The following PLXNA1 variants were observed in gnomAD, a reference collection of about 807,000 sequenced individuals.
PLXNA1 encodes the protein plexin-A1.
In PLXNA1, 77 loss-of-function variants were observed where a neutral mutation model predicts 191.7. The observed-to-expected ratio is 0.40, with a 90% CI of 0.33 to 0.49. The LOEUF (loss-of-function observed/expected upper bound fraction) is 0.49, where lower values mean the gene tolerates loss of function less well. Ranked by LOEUF, PLXNA1 falls within the 20% of genes least tolerant of loss-of-function variation. The probability of loss-of-function intolerance (pLI) is 0.63; values close to 1 mark genes in which losing one functional copy is unlikely to be tolerated. For synonymous variants in PLXNA1, 1,137 were observed against 1,156.4 expected (o/e 0.98, Z 0.34); for missense variants, 2,110 against 2,660.2 (o/e 0.79, Z 4.55).
intron 10 of PLXNA1, 116 bp downstream of exon 10, chr3:127,012,274 A>C (rs2079099900): frequency 9.4e-7 from 1 of 1,068,300 alleles, no homozygotes; most frequent in Non-Finnish European, 1.3e-6. Flanking sequence ...GCTCACGTGT[A>C]TCTCTGATGA....
chr3:127,028,342 T>TGAGC lies in PLXNA1; in HGVS notation c.4669+4_4669+7dup. ...CCAAGGCCGCGGACATGGACCTGGG[T>TGAGC]GAGCGGGCGGGGCCACGGCTGCCCG... On this transcript the variant is annotated splice_region_variant and intron_variant, in intron 25 of 31. Coordinates refer to ENST00000393409, the MANE Select transcript of PLXNA1 (RefSeq NM_032242.4). The TGAGC allele has an allele frequency of 6.2e-7, 1 of 1,608,738 alleles. No individual in the cohort carries two copies. The highest frequency in any genetic ancestry group is 8.5e-7 in the Non-Finnish European group (1 of 1,178,784).
At position 127,017,691 on chromosome 3, in the gene PLXNA1, G is replaced by A. The variant is rs551547441; in HGVS notation, c.3516+27G>A. 44 of 1,613,088 alleles carry A rather than the reference G, an allele frequency of 2.7e-5. No individual in the cohort carries two copies. The Admixed American group carries it at 6.8e-4, about 25-fold the overall frequency. ...TGGGTCACCATTGCCCGTAGGCTGG[G>A]CCAAGCCAGGGAAGAGGCCCCTCGT... On this transcript the variant is annotated intron_variant, in intron 18 of 31. Transcript: ENST00000393409.
intron 21 of PLXNA1, 133 bp downstream of exon 21, chr3:127,020,477 G>T (rs910395445): frequency 1.1e-5 from 13 of 1,155,836 alleles, no homozygotes; most frequent in Non-Finnish European, 1.6e-5. Flanking sequence ...GGCCTGCAGG[G>T]CTCTGGGCTC....
intron 3 of PLXNA1, 133 bp from the exon 4 acceptor site, chr3:127,003,197 G>T (rs1321081087): frequency 4.0e-6 from 4 of 1,008,162 alleles, no homozygotes; most frequent in Non-Finnish European, 5.5e-6. Flanking sequence ...AGTATGGCTG[G>T]CGCTGGTCCT....
At position 127,014,698 on chromosome 3, in the gene PLXNA1, C is replaced by G. The variant is rs560974424; in HGVS notation, c.2757-13C>G. The G allele has an allele frequency of 6.2e-7, 1 of 1,610,990 alleles. No individual in the cohort carries two copies. Among genetic ancestry groups the G allele is most frequent in the East Asian group, 2.2e-5 (1 of 44,828 alleles). On this transcript the variant is annotated splice_polypyrimidine_tract_variant and intron_variant, in intron 13 of 31. Transcript: ENST00000393409. ...CGGGGCTCCTGCAGCCCCTGAGGCCCGCCTGCCCACAGGATCGTCTGTGAG... is the reference window on the plus strand; with the variant it reads ...CGGGGCTCCTGCAGCCCCTGAGGCCGGCCTGCCCACAGGATCGTCTGTGAG...
chr3:126,999,931 C>T (rs1027905139), intron 3 of PLXNA1, among the ~76,000 whole-genome samples: 26 of 152,026 alleles, frequency 1.7e-4, no homozygotes, highest in Non-Finnish European at 2.9e-4. Flanking sequence ...TCGACTCGCC[C>T]GTGTGCATGT....
intron 1 of PLXNA1, 43 bp from the exon 2 acceptor site, chr3:126,988,478 G>T: frequency 1.1e-6 from 1 of 895,684 alleles, no homozygotes; most frequent in Non-Finnish European, 1.6e-6. Flanking sequence ...TCATGGGATG[G>T]GCCATGCCTG....
chr3:126,985,303 G>A (rs1274420790), intron 1 of PLXNA1, among the ~76,000 whole-genome samples: 1 of 152,076 alleles, frequency 6.6e-6, no homozygotes, highest in East Asian at 1.9e-4. Flanking sequence ...CGCAGACCGC[G>A]GGGTCTCTCT....
At chr3:126,990,495 G>T (rs2078984862) in intron 2 of PLXNA1, among the ~76,000 whole-genome samples, 1 of 152,230 alleles carries the variant, frequency 6.6e-6, no homozygotes, top group African/African-American at 2.4e-5. Flanking sequence ...AGGCTCAGAG[G>T]GCACGGGCCT....
At chr3:127,029,338 C>A in intron 26 of PLXNA1, 102 bp from the exon 27 acceptor site, 1 of 1,116,268 alleles carries the variant, frequency 9.0e-7, no homozygotes, top group Non-Finnish European at 1.4e-6. Context: ...TGCCTCCAGG[C>A]ACAGCACTAG....
chr3:127,011,167 A>G (rs370539550), intron 9 of PLXNA1, among the ~76,000 whole-genome samples: 2 of 152,188 alleles, frequency 1.3e-5, no homozygotes, highest in South Asian at 4.1e-4. Flanking sequence ...ACAGAGTTGC[A>G]AGTGCAGCCC....
Position 127,017,907 on chromosome 3 carries a change from C to G in PLXNA1, c.3660+15C>G, listed in dbSNP as rs1559962790. ...ACAAGGTCACGGTGCGTCTGTCCAC[C>G]GGGGGTGCAGAGCTGGGAGAGCCAT... On this transcript the variant is annotated intron_variant, in intron 19 of 31. Transcript: ENST00000393409. The G allele has an allele frequency of 2.5e-6, 4 of 1,611,150 alleles. No homozygotes were observed. In the African/African-American group the frequency reaches 5.3e-5, roughly 21 times the overall value.
At position 126,995,098 on chromosome 3, in the gene PLXNA1, G is replaced by A. The variant is rs575458325; in HGVS notation, c.1377+3532G>A. Among the ~76,000 whole-genome samples the A allele has an allele frequency of 7.2e-5, 11 of 152,296 alleles. No individual in the cohort carries two copies. In the South Asian group the frequency reaches 1.0e-3, roughly 14 times the overall value. ...GAGCTCCAGGGACTTGGCTGGCCCC[G>A]GGCCAGTTCCTGTCAAACTGTTGGG... On this transcript the variant is annotated intron_variant, in intron 3 of 31. Transcript: ENST00000393409.
rs749570681 is a variant in PLXNA1 at position 127,006,176 on chromosome 3, G to A, written c.1995G>A (p.Gln665=). Residue 665 remains glutamine (Q), a splice_region_variant and synonymous_variant, in exon 8 of 32, where the codon CAG becomes CAA. Coordinates refer to ENST00000393409, the MANE Select transcript of PLXNA1 (RefSeq NM_032242.4). ...TCTTCTACAACTGCAGCGTCCACCA[G>A]TCGTGAGTGTCTCTAGGCCCCTCCG... ...DFVFYNCSVH[Q]SCLSCVNGSF... 1 of 1,612,316 alleles carries A rather than the reference G, an allele frequency of 6.2e-7. No homozygotes were observed. Among genetic ancestry groups the A allele is most frequent in the Non-Finnish European group, 8.5e-7 (1 of 1,178,874 alleles).
intron 21 of PLXNA1, 64 bp downstream of exon 21, chr3:127,020,408 G>A (rs2079146599): frequency 2.5e-6 from 4 of 1,580,128 alleles, no homozygotes; most frequent in South Asian, 2.3e-5. Flanking sequence ...CTGCCTTTGA[G>A]GCTCCTTGGG....
In PLXNA1 at chr3:127,006,273, G is replaced by A. The variant is rs188753900; in HGVS notation, c.1997+95G>A. On this transcript the variant is annotated intron_variant, in intron 8 of 31. Transcript: ENST00000393409. ...CACTGTGCTTGCTGTCTGCAGACCT[G>A]TCCTCATGTGGCCAGGCAGCAGATG... 6.4e-6 allele frequency: 6 copies of A among 932,458 alleles called. No individual in the cohort carries two copies. The East Asian group carries it at 1.0e-4, about 16-fold the overall frequency. 57.8% of individuals were successfully genotyped at this position (932,458 alleles called of 1,614,324 possible).
chr3:127,033,882 CTGG>C, intron 31 of PLXNA1, 37 bp from the exon 32 acceptor site: 3 of 1,528,032 alleles, frequency 2.0e-6, no homozygotes, highest in Non-Finnish European at 2.7e-6. Context: ...TGCATGGAGG[CTGG>C]TGGCCCGGCA....
rs867808319 is a variant in PLXNA1 at position 127,006,113 on chromosome 3, C to T, written c.1932C>T (p.Ser644=). ...GGGTGGTGAAACTCTACCTAAAGTC[C>T]AAGGAGACAGGGAAGAAGTTTGCGT... ...DQRVVKLYLK[S]KETGKKFASV... The change falls in exon 8 of 32, where the codon TCC becomes TCT. Residue 644 remains serine (S), a synonymous_variant. Coordinates refer to ENST00000393409, the MANE Select transcript of PLXNA1 (RefSeq NM_032242.4). 3 of 1,613,878 alleles carry T rather than the reference C, an allele frequency of 1.9e-6. No individual in the cohort carries two copies. Among genetic ancestry groups the T allele is most frequent in the South Asian group, 1.1e-5 (1 of 91,082 alleles).
At chr3:126,992,825 C>T (rs542665427) in intron 3 of PLXNA1, among the ~76,000 whole-genome samples, 13 of 152,254 alleles carry the variant, frequency 8.5e-5, no homozygotes, top group South Asian at 8.3e-4. Flanking sequence ...ATGTGGGGTA[C>T]CGCCCTGTGG....
Sources: gnomAD v4.1 joint callset for allele counts (sites outside exome capture counted in the v4.1 genomes callset) on GRCh38, gnomAD v4.1.1 for gene constraint, MANE v1.5 for transcripts, NCBI Gene and HGNC (gene_info 2026-07-23, HGNC 2026-07-21) for gene names.